The following NPHP4 variants were observed in gnomAD, a reference collection of about 807,000 sequenced individuals.
NPHP4 encodes nephrocystin 4.
A neutral mutation model predicts 155.8 loss-of-function variants in NPHP4; 151 were observed. The ratio of observed to expected loss-of-function variants is 0.97; its 90% confidence interval spans 0.85 to 1.11. The LOEUF (loss-of-function observed/expected upper bound fraction) is 1.11. Among genes scored for constraint, NPHP4 ranks in the 50% least tolerant of loss-of-function variants. NPHP4 has a pLI of 0.00. For missense variants in NPHP4, 1,956 were observed against 1,925.7 expected (o/e 1.02, Z -0.29); for synonymous variants, 845 against 816.8 (o/e 1.03, Z -0.59).
Position 5,904,763 on chromosome 1 carries a change from A to G in NPHP4, c.1997T>C (p.Val666Ala), listed in dbSNP as rs1275261685. 6.2e-7 allele frequency: 1 copy of G among 1,614,002 alleles called. No homozygotes were observed. The highest frequency in any genetic ancestry group is 1.7e-5 in the Admixed American group (1 of 60,012). The change falls in exon 16 of 30, where the codon GTG becomes GCG. Residue 666 changes from valine to alanine, a missense_variant. Val to Ala is a moderately conservative substitution (Grantham distance 64). Transcript: ENST00000378156. ...GCGGTAGAACTGGAAGGTGAAATAC[A>G]CAGTCTTTGGCCATGATGTTCCTCG... ...DCRGTSWPKTVYFTFQFYRFP... is the reference protein window; with the variant it reads ...DCRGTSWPKTAYFTFQFYRFP...
chr1:5,968,323 C>T (rs983431523), intron 4 of NPHP4, among the ~76,000 whole-genome samples: 4 of 152,088 alleles, frequency 2.6e-5, no homozygotes, highest in South Asian at 2.1e-4. Flanking sequence ...CAAACCCAGC[C>T]GGACACAGCG....
chr1:5,930,200 T>C (rs531781799), intron 10 of NPHP4, among the ~76,000 whole-genome samples: 4 of 152,348 alleles, frequency 2.6e-5, no homozygotes, highest in East Asian at 3.9e-4. Flanking sequence ...TTTTCAGTCT[T>C]GCTAGAAGTT....
Position 5,910,507 on chromosome 1 carries a change from G to C in NPHP4, c.1442-1294C>G, listed in dbSNP as rs1241385088. ...CTGCTGCCATGAAGGTTGGGCAAACGAATCTCCTATATGTCCTGGTATCCT... is the reference window on the plus strand; with the variant it reads ...CTGCTGCCATGAAGGTTGGGCAAACCAATCTCCTATATGTCCTGGTATCCT... On this transcript the variant is annotated intron_variant, in intron 11 of 29. Coordinates refer to ENST00000378156, the MANE Select transcript of NPHP4 (RefSeq NM_015102.5). The surrounding 1 kb of genome is among the most constrained non-coding windows in gnomAD (Gnocchi z 5.4). 6.6e-6 allele frequency among the ~76,000 whole-genome samples: 1 copy of C among 152,032 alleles called. No homozygotes were observed. The highest frequency in any genetic ancestry group is 2.1e-4 in the South Asian group (1 of 4,816).
intron 16 of NPHP4, among the ~76,000 whole-genome samples, chr1:5,894,211 A>G (rs1485174041): frequency 1.3e-5 from 2 of 152,206 alleles, no homozygotes; most frequent in East Asian, 3.9e-4. Flanking sequence ...AAATACTACA[A>G]ATAATATTCT....
intron 8 of NPHP4, 41 bp downstream of exon 8, chr1:5,948,029 T>C (rs772341831): frequency 6.6e-7 from 1 of 1,508,808 alleles, no homozygotes; most frequent in Non-Finnish European, 9.2e-7. Flanking sequence ...CGTGATCCCT[T>C]GCACATCCCC....
chr1:5,873,337 T>C lies in NPHP4; in HGVS notation c.3232-2A>G, dbSNP rs1377844361. ...CTCGTTGCTCAACCCAGGAGAGGCC[T>C]GCAGGAACCGAACAGCACAAGCAGG... On this transcript the variant is annotated splice_acceptor_variant, in intron 22 of 29. Coordinates refer to ENST00000378156, the MANE Select transcript of NPHP4 (RefSeq NM_015102.5). LOFTEE classifies it high-confidence loss of function. 1 of 1,613,430 alleles carries C rather than the reference T, an allele frequency of 6.2e-7. No homozygotes were observed. The highest frequency in any genetic ancestry group is 1.3e-5 in the African/African-American group (1 of 74,914).
At chr1:5,907,525 C>T (rs1411695088) in intron 12 of NPHP4, among the ~76,000 whole-genome samples, 1 of 152,240 alleles carries the variant, frequency 6.6e-6, no homozygotes, top group African/African-American at 2.4e-5. Context: ...CAGGGGCGGC[C>T]TGGCCTCTGC....
Position 5,905,649 on chromosome 1 carries a change from CACAACA to C in NPHP4, c.1740_1745del (p.Ile580_Val582delinsMet). The C allele has an allele frequency of 6.2e-7, 1 of 1,613,920 alleles. No individual in the cohort carries two copies. Among genetic ancestry groups the C allele is most frequent in the Non-Finnish European group, 8.5e-7 (1 of 1,179,864 alleles). ...CACCTCACCTCCTGGTCTGGGTTCC[CACAACA>C]ATAGGGGCATGCAAAGGCGTGAACG... On this transcript the variant is annotated inframe_deletion, in exon 14 of 30. Coordinates refer to ENST00000378156, the MANE Select transcript of NPHP4 (RefSeq NM_015102.5). This position sits in a 1 kb window ranked among gnomAD's most constrained non-coding sequence, Gnocchi z 4.0.
chr1:5,867,342 T>A lies in NPHP4; in HGVS notation c.3473-227A>T, dbSNP rs765272125. On this transcript the variant is annotated intron_variant, in intron 24 of 29. Coordinates refer to ENST00000378156, the MANE Select transcript of NPHP4 (RefSeq NM_015102.5). This position sits in a 1 kb window ranked among gnomAD's most constrained non-coding sequence, Gnocchi z 4.1. ...CCACTGCGGCTCGGCTGCAGCCATC[T>A]CCACAGGGAATAATCGAGGGGGCCA... 5.9e-5 allele frequency: 33 copies of A among 559,784 alleles called. No individual in the cohort carries two copies. Among genetic ancestry groups the A allele is most frequent in the Non-Finnish European group, 1.0e-4 (33 of 315,852 alleles). The allele number at this position is 559,784 out of a possible 1,614,324, so 34.7% of individuals were successfully genotyped here.
At position 5,890,459 on chromosome 1, in the gene NPHP4, C is replaced by T. The variant is rs1179876166; in HGVS notation, c.2304+409G>A. Among the ~76,000 whole-genome samples the T allele has an allele frequency of 2.0e-5, 3 of 152,114 alleles. No homozygotes were observed. The highest frequency in any genetic ancestry group is 4.8e-5 in the African/African-American group (2 of 41,418). On this transcript the variant is annotated intron_variant, in intron 17 of 29. Coordinates refer to ENST00000378156, the MANE Select transcript of NPHP4 (RefSeq NM_015102.5). The surrounding 1 kb of genome is among the most constrained non-coding windows in gnomAD (Gnocchi z 4.9). ...TCACCAGAATGAGAAAAGAACAACA[C>T]GTCACTGACCTTAGGAATCAGGTCA...
At chr1:5,968,296 A>C (rs1407239751) in intron 4 of NPHP4, among the ~76,000 whole-genome samples, 1 of 152,032 alleles carries the variant, frequency 6.6e-6, no homozygotes, top group East Asian at 1.9e-4. Flanking sequence ...ACAATTCCTT[A>C]AGTCACTTAG....
intron 9 of NPHP4, among the ~76,000 whole-genome samples, chr1:5,943,199 G>A (rs898900931): frequency 2.6e-5 from 4 of 152,176 alleles, no homozygotes; most frequent in Non-Finnish European, 4.4e-5. Context: ...CAGGAAAAAG[G>A]TTTTAGATGC....
chr1:5,925,409 C>T (rs1315429989), intron 11 of NPHP4, among the ~76,000 whole-genome samples: 1 of 152,126 alleles, frequency 6.6e-6, no homozygotes, highest in Non-Finnish European at 1.5e-5. Flanking sequence ...AACCAGTCCC[C>T]CACGGATACC....
intron 17 of NPHP4, 103 bp from the exon 18 acceptor site, chr1:5,887,569 G>A: frequency 7.9e-7 from 1 of 1,266,134 alleles, no homozygotes; most frequent in Non-Finnish European, 1.1e-6. Context: ...GAAAGCCACT[G>A]TGGGCGGGAG....
In NPHP4 at chr1:5,912,183, A is replaced by C. The variant is rs560654581; in HGVS notation, c.1442-2970T>G. 3.3e-5 allele frequency among the ~76,000 whole-genome samples: 5 copies of C among 152,356 alleles called. No individual in the cohort carries two copies. The South Asian group carries it at 1.0e-3, about 32-fold the overall frequency. Reference sequence around the variant, plus strand: ...CAGATCCTGCGTGGGGCAGGGGAGCAATGGGATGGGAGGAGACCAGCCGGT... The same window carrying C: ...CAGATCCTGCGTGGGGCAGGGGAGCCATGGGATGGGAGGAGACCAGCCGGT... On this transcript the variant is annotated intron_variant, in intron 11 of 29. Transcript: ENST00000378156.
At chr1:5,893,736 G>C (rs1293459102) in intron 16 of NPHP4, among the ~76,000 whole-genome samples, 2 of 152,226 alleles carry the variant, frequency 1.3e-5, no homozygotes, top group Non-Finnish European at 2.9e-5. Context: ...CGGGGAAAGA[G>C]AGACTCCCTT....
At chr1:5,949,369 C>CACACACACACACACACACACACAAT (rs1047844844) in intron 7 of NPHP4, among the ~76,000 whole-genome samples, 14 of 151,824 alleles carry the variant, frequency 9.2e-5, no homozygotes, top group African/African-American at 3.4e-4. Flanking sequence ...CACACACACA[C>CACACACACACACACACACACACAAT]AACTTGCTAA....
chr1:5,864,786 C>A, intron 27 of NPHP4: 1 of 538,138 alleles, frequency 1.9e-6, no homozygotes, highest in Non-Finnish European at 3.3e-6. Flanking sequence ...AAAACCCCGG[C>A]CAGCTGGTGG....
intron 3 of NPHP4, among the ~76,000 whole-genome samples, chr1:5,972,708 G>C (rs965578866): frequency 2.6e-5 from 4 of 152,108 alleles, no homozygotes; most frequent in African/African-American, 9.7e-5. Flanking sequence ...GTCAGGAGGA[G>C]CTTATTTTTT....
Sources: allele counts gnomAD v4.1 joint callset (sites outside exome capture counted in the v4.1 genomes callset), GRCh38; gene constraint gnomAD v4.1.1; non-coding constraint Gnocchi (gnomAD v3.1); transcripts MANE v1.5; gene names NCBI Gene and HGNC (gene_info 2026-07-23, HGNC 2026-07-21).